Variants in SORCS2 observed in about 807,000 individuals in gnomAD.
The protein encoded by SORCS2 is sortilin related VPS10 domain containing receptor 2.
SORCS2 carries 100 observed loss-of-function variants against 141.6 expected under a neutral mutation model. The ratio of observed to expected loss-of-function variants is 0.71; its 90% CI spans 0.60 to 0.83. SORCS2 has a LOEUF of 0.83. Among genes scored for constraint, SORCS2 ranks in the 40% least tolerant of loss-of-function variants. The pLI is 0.00. For missense variants in SORCS2, 1,646 were observed against 1,560.2 expected, an observed-to-expected ratio of 1.05 and a Z score of -0.93; for synonymous variants, 789 against 676.9, an observed-to-expected ratio of 1.17 and a Z score of -2.57.
chr4:7,283,189 G>C (rs780540373), intron 1 of SORCS2, among the ~76,000 whole-genome samples: 1 of 152,214 alleles, frequency 6.6e-6, no homozygotes, highest in Admixed American at 6.5e-5. Flanking sequence ...TTTGGGCTTC[G>C]TGTCCAGTGG....
At chr4:7,353,222 A>G (rs1408530549) in intron 1 of SORCS2, among the ~76,000 whole-genome samples, 1 of 152,184 alleles carries the variant, frequency 6.6e-6, no homozygotes, top group Non-Finnish European at 1.5e-5. Context: ...TGGAGGTGCC[A>G]GTAAGCACTG....
chr4:7,390,118 G>A (rs1282732067), intron 1 of SORCS2, among the ~76,000 whole-genome samples: 2 of 152,276 alleles, frequency 1.3e-5, no homozygotes, highest in Non-Finnish European at 2.9e-5. Context: ...GTGACACTGC[G>A]GGCTTTCAGG....
chr4:7,337,503 G>T (rs1434254341), intron 1 of SORCS2, among the ~76,000 whole-genome samples: 1 of 152,140 alleles, frequency 6.6e-6, no homozygotes, highest in Non-Finnish European at 1.5e-5. Flanking sequence ...GAGCGCAGGT[G>T]CACCGGCCCT....
intron 1 of SORCS2, among the ~76,000 whole-genome samples, chr4:7,291,847 A>G (rs1577361331): frequency 6.6e-6 from 1 of 152,196 alleles, no homozygotes; most frequent in Non-Finnish European, 1.5e-5. Flanking sequence ...TTCCAAGGTC[A>G]CCTAGCCCAT....
intron 2 of SORCS2, among the ~76,000 whole-genome samples, chr4:7,476,856 T>C (rs1730329408): frequency 6.6e-6 from 1 of 152,226 alleles, no homozygotes; most frequent in Non-Finnish European, 1.5e-5. Context: ...CTGTGTCTCT[T>C]ACTAGAAGGG....
Position 7,201,072 on chromosome 4 carries a change from C to T in SORCS2, c.480+7946C>T, listed in dbSNP as rs1022534840. ...AATGTTTGGTCTGGACAGGAATTCA[C>T]CCCAGCGCGTTCTAGGTGCCGTGTG... is the stretch of plus-strand genomic sequence containing the variant. On this transcript the variant is annotated intron_variant, in intron 1 of 26. Transcript: ENST00000507866. The surrounding 1 kb of genome is among the most constrained non-coding windows in gnomAD (Gnocchi z 4.4). 1.3e-5 allele frequency among the ~76,000 whole-genome samples: 2 copies of T among 152,168 alleles called. No homozygotes were observed. Among genetic ancestry groups the T allele is most frequent in the Non-Finnish European group, 2.9e-5 (2 of 68,042 alleles).
At chr4:7,709,969 C>G (rs2109029649) in intron 14 of SORCS2, among the ~76,000 whole-genome samples, 1 of 152,290 alleles carries the variant, frequency 6.6e-6, no homozygotes, top group East Asian at 1.9e-4. Flanking sequence ...TATCTAGACC[C>G]CTTCGGCACC....
chr4:7,317,276 G>A (rs1309972752), intron 1 of SORCS2, among the ~76,000 whole-genome samples: 1 of 152,186 alleles, frequency 6.6e-6, no homozygotes, highest in African/African-American at 2.4e-5. Flanking sequence ...CTAGCCTGGG[G>A]GCATGGAGGG....
intron 2 of SORCS2, among the ~76,000 whole-genome samples, chr4:7,445,644 A>AGAG (rs1386782696): frequency 6.6e-6 from 1 of 152,158 alleles, no homozygotes. Context: ...CAGGGAGGCC[A>AGAG]GAGGAGGAGG....
intron 10 of SORCS2, among the ~76,000 whole-genome samples, chr4:7,686,723 G>A (rs1026743756): frequency 3.3e-5 from 5 of 152,238 alleles, no homozygotes; most frequent in African/African-American, 1.2e-4. Context: ...GCACCTCCAA[G>A]CCTGCCGGCA....
intron 12 of SORCS2, among the ~76,000 whole-genome samples, chr4:7,701,867 T>C (rs1211223988): frequency 6.6e-6 from 1 of 152,152 alleles, no homozygotes; most frequent in Non-Finnish European, 1.5e-5. Context: ...CAGCTGCCCT[T>C]GAATGTCCCC....
intron 2 of SORCS2, among the ~76,000 whole-genome samples, chr4:7,436,835 T>C (rs1000575562): frequency 1.3e-5 from 2 of 152,208 alleles, no homozygotes; most frequent in Non-Finnish European, 2.9e-5. Flanking sequence ...GTGTATGTCT[T>C]GGATGCACAC....
At chr4:7,345,490 C>T (rs2878616) in intron 1 of SORCS2, among the ~76,000 whole-genome samples, 7,378 of 152,182 alleles carry the variant, frequency 0.048, 282 homozygotes, top group East Asian at 0.15. Context: ...GCTTCCTCTC[C>T]AGTGCTCTTC....
intron 1 of SORCS2, among the ~76,000 whole-genome samples, chr4:7,388,598 C>T (rs1723639869): frequency 6.6e-6 from 1 of 152,126 alleles, no homozygotes; most frequent in African/African-American, 2.4e-5. Context: ...TCCTGTGTTT[C>T]CTTCCAGCAT....
chr4:7,654,269 C>T (rs1423690165), intron 5 of SORCS2, 62 bp downstream of exon 5: 3 of 1,520,798 alleles, frequency 2.0e-6, no homozygotes, highest in African/African-American at 1.4e-5. Context: ...GCACTTCCCC[C>T]AAACCCTTGG....
intron 8 of SORCS2, among the ~76,000 whole-genome samples, chr4:7,669,291 C>T (rs1327188545): frequency 2.0e-5 from 3 of 152,180 alleles, no homozygotes; most frequent in Non-Finnish European, 2.9e-5. Flanking sequence ...CTGTGACTAT[C>T]GATGTCCTCC....
At position 7,674,122 on chromosome 4, in the gene SORCS2, T is replaced by A. The variant is rs566342066; in HGVS notation, c.1162-1928T>A. On this transcript the variant is annotated intron_variant, in intron 8 of 26. Coordinates refer to ENST00000507866, the MANE Select transcript of SORCS2 (RefSeq NM_020777.3). The stretch of plus-strand genomic sequence containing the variant: ...ATCACCCATGGTCCCACTTCACACA[T>A]GGGGACGGCCAGGCTCTGGCACCCT... Among the ~76,000 whole-genome samples, 3 of 151,882 alleles carry A rather than the reference T, an allele frequency of 2.0e-5. No individual in the cohort carries two copies. In the South Asian group the frequency reaches 6.3e-4, roughly 32 times the overall value.
chr4:7,285,956 C>T (rs900394901), intron 1 of SORCS2, among the ~76,000 whole-genome samples: 3 of 152,242 alleles, frequency 2.0e-5, no homozygotes, highest in African/African-American at 7.2e-5. Flanking sequence ...GCGTGGAGGC[C>T]CAGTGCGGGG....
At chr4:7,647,504 A>G (rs1721156665) in intron 4 of SORCS2, among the ~76,000 whole-genome samples, 1 of 152,200 alleles carries the variant, frequency 6.6e-6, no homozygotes. Flanking sequence ...TTGCCAGGAC[A>G]GTTCCATGAT....
Sources: gnomAD v4.1 joint callset for allele counts (sites outside exome capture counted in the v4.1 genomes callset) on GRCh38, gnomAD v4.1.1 for gene constraint, Gnocchi (gnomAD v3.1) non-coding constraint, MANE v1.5 for transcripts, NCBI Gene and HGNC (gene_info 2026-07-23, HGNC 2026-07-21) for gene names.